Variants in UNC13D observed in about 807,000 individuals in gnomAD.
UNC13D encodes protein unc-13 homolog D.
Under a neutral mutation model 151.7 loss-of-function variants are expected in UNC13D, and 115 were observed. The observed-to-expected ratio is 0.76, with a 90% CI of 0.65 to 0.88. The LOEUF is 0.88. Ranked by LOEUF, UNC13D falls within the 40% of genes least tolerant of loss-of-function variation. The probability of loss-of-function intolerance (pLI) is 0.00; values close to 1 mark genes in which losing one functional copy is unlikely to be tolerated. For missense variants in UNC13D, 1,369 were observed against 1,438.7 expected (o/e 0.95, Z 0.78); for synonymous variants, 588 against 612.2 (o/e 0.96, Z 0.58).
chr17:75,836,935 G>C lies in UNC13D; in HGVS notation c.1056-17C>G. ...AGCCACTGCCTGCAGGGGACAGGAA[G>C]CCCTCAGCTGGACAGGGAGGAGGAA... On this transcript the variant is annotated splice_polypyrimidine_tract_variant and intron_variant, in intron 12 of 31. Coordinates refer to ENST00000207549, the MANE Select transcript of UNC13D (RefSeq NM_199242.3). 6.2e-7 allele frequency: 1 copy of C among 1,610,994 alleles called. No homozygotes were observed. Among genetic ancestry groups the C allele is most frequent in the Non-Finnish European group, 8.5e-7 (1 of 1,179,660 alleles).
chr17:75,841,744 C>A (rs1011985496), intron 6 of UNC13D, among the ~76,000 whole-genome samples: 5 of 148,896 alleles, frequency 3.4e-5, no homozygotes, highest in African/African-American at 1.2e-4. Context: ...CGCCTGGCCC[C>A]CACTAATTTT....
At position 75,833,976 on chromosome 17, in the gene UNC13D, T is replaced by C; in HGVS notation, c.2367+99A>G. 6.8e-7 allele frequency: 1 copy of C among 1,474,110 alleles called. No homozygotes were observed. The highest frequency in any genetic ancestry group is 9.4e-7 in the Non-Finnish European group (1 of 1,059,262). The allele number at this position is 1,474,110 out of a possible 1,614,324, so 91.3% of individuals were successfully genotyped here. On this transcript the variant is annotated intron_variant, in intron 24 of 31. Transcript: ENST00000207549. This position sits in a 1 kb window ranked among gnomAD's most constrained non-coding sequence, Gnocchi z 4.0. ...GCCCAGGGAGAGAACATGCTTTGCC[T>C]GGTCTGGGGGACTTATCTTTGACAC...
At chr17:75,828,651 G>A in intron 31 of UNC13D, 136 bp downstream of exon 31, 1 of 990,022 alleles carries the variant, frequency 1.0e-6, no homozygotes, top group Non-Finnish European at 1.4e-6. Context: ...TAGACCGAGA[G>A]ATGGGCCGTG....
In UNC13D at chr17:75,840,898, G is replaced by A. The variant is rs559391980; in HGVS notation, c.614+59C>T. On this transcript the variant is annotated intron_variant, in intron 7 of 31. Coordinates refer to ENST00000207549, the MANE Select transcript of UNC13D (RefSeq NM_199242.3). This position sits in a 1 kb window ranked among gnomAD's most constrained non-coding sequence, Gnocchi z 4.6. ...ACGACCTCTTCCAGGAGGAGGTTCC[G>A]CCTCTCTCACCCCAGATCCCTTCCC... 1.4e-5 allele frequency: 23 copies of A among 1,613,716 alleles called. No homozygotes were observed. Among genetic ancestry groups the A allele is most frequent in the Middle Eastern group, 1.6e-4 (1 of 6,062 alleles).
intron 12 of UNC13D, 32 bp from the exon 13 acceptor site, chr17:75,836,950 G>A: frequency 1.2e-6 from 2 of 1,607,072 alleles, no homozygotes; most frequent in East Asian, 4.5e-5. Flanking sequence ...CAGCTGGACA[G>A]GGAGGAGGAA....
intron 3 of UNC13D, 29 bp from the exon 4 acceptor site, chr17:75,843,102 T>C (rs754743846): frequency 3.9e-6 from 3 of 777,804 alleles, no homozygotes; most frequent in Admixed American, 1.9e-5. Context: ...GGTGGGTGGC[T>C]GGGGGCACCA....
chr17:75,836,158 C>A (rs773020512), intron 16 of UNC13D, 42 bp downstream of exon 16: 43 of 1,610,812 alleles, frequency 2.7e-5, no homozygotes, highest in Admixed American at 2.2e-4. Flanking sequence ...GCAGGCACCA[C>A]CCCCCGTGAC....
At chr17:75,842,266 C>A (rs893321135) in intron 6 of UNC13D, among the ~76,000 whole-genome samples, 167 bp downstream of exon 6, 13 of 152,222 alleles carry the variant, frequency 8.5e-5, no homozygotes, top group African/African-American at 1.7e-4. Flanking sequence ...TCCCATCTGA[C>A]CTACTGTCCA....
chr17:75,830,372 CA>C lies in UNC13D; in HGVS notation c.2819del (p.Leu940ArgfsTer13), dbSNP rs2064862256. The C allele has an allele frequency of 6.3e-7, 1 of 1,591,844 alleles. No homozygotes were observed. The highest frequency in any genetic ancestry group is 1.1e-5 in the South Asian group (1 of 87,632). Reference protein sequence around the residue: ...ELLSASSLLPLDSNGSSDPFV... With the variant: ...ELLSASSLLPXDSNGSSDPFV... Reference sequence around the variant, plus strand: ...GCAGCCTCCACTCACCATTGGAGTCCAGGGGCAGCAGGCTGGAGGCGCTGAG... The same window carrying C: ...GCAGCCTCCACTCACCATTGGAGTCCGGGGCAGCAGGCTGGAGGCGCTGAG... On this transcript the variant is annotated frameshift_variant, in exon 29 of 32. Transcript: ENST00000207549. LOFTEE classifies it high-confidence loss of function.
In UNC13D at chr17:75,836,861, G is replaced by A. The variant is rs1477733658; in HGVS notation, c.1113C>T (p.Leu371=). ...YQSLEFPSSC[L]LHPITSIEYQ... is the part of the protein sequence containing the mutation. ...ACTCGATGCTGGTGATGGGGTGCAG[G>A]AGGCAGCTGCTGGGGAACTCCAGGC... Residue 371 remains leucine, a synonymous_variant, in exon 13 of 32, where the codon CTC becomes CTT. Coordinates refer to ENST00000207549, the MANE Select transcript of UNC13D (RefSeq NM_199242.3). 1 of 1,613,966 alleles carries A rather than the reference G, an allele frequency of 6.2e-7. No homozygotes were observed. The highest frequency in any genetic ancestry group is 1.7e-5 in the Admixed American group (1 of 60,024).
intron 16 of UNC13D, 45 bp downstream of exon 16, chr17:75,836,155 C>A (rs769641321): frequency 6.2e-7 from 1 of 1,611,928 alleles, no homozygotes; most frequent in Non-Finnish European, 8.5e-7. Context: ...GAGGCAGGCA[C>A]CACCCCCCGT....
rs1196137938 is a variant in UNC13D at position 75,833,148 on chromosome 17, C to G, written c.2368-103G>C. The G allele has an allele frequency of 2.5e-6, 3 of 1,182,712 alleles. No individual in the cohort carries two copies. The Admixed American group carries it at 6.1e-5, about 24-fold the overall frequency. The allele number at this position is 1,182,712 out of a possible 1,614,324, so 73.3% of individuals were successfully genotyped here. On this transcript the variant is annotated intron_variant, in intron 24 of 31. Transcript: ENST00000207549. This position sits in a 1 kb window ranked among gnomAD's most constrained non-coding sequence, Gnocchi z 4.0. ...GGAGGAAACAGGGCTGGGAACCGTT[C>G]TGTGAGAGCAGTTTGTAGTGTCTGT...
intron 27 of UNC13D, 149 bp downstream of exon 27, chr17:75,830,949 C>A: frequency 9.2e-7 from 1 of 1,087,556 alleles, no homozygotes; most frequent in South Asian, 1.5e-5. Flanking sequence ...CGTCACCGTT[C>A]TAAAATTTGT....
rs1041108878 is a variant in UNC13D at position 75,833,363 on chromosome 17, G to A, written c.2368-318C>T. On this transcript the variant is annotated intron_variant, in intron 24 of 31. Coordinates refer to ENST00000207549, the MANE Select transcript of UNC13D (RefSeq NM_199242.3). The surrounding 1 kb of genome is among the most constrained non-coding windows in gnomAD (Gnocchi z 4.0). ...CTCATGCCTCCTCCCCTTGCTTCCCGTAGGTCTTCGCTCAGTTGTCACGGC... is the reference window on the plus strand; with the variant it reads ...CTCATGCCTCCTCCCCTTGCTTCCCATAGGTCTTCGCTCAGTTGTCACGGC... 10 of 265,852 alleles carry A rather than the reference G, an allele frequency of 3.8e-5. No homozygotes were observed. In the Admixed American group the frequency reaches 4.2e-4, roughly 11 times the overall value. The allele number at this position is 265,852 out of a possible 1,614,324, so 16.5% of individuals were successfully genotyped here.
At chr17:75,830,302 G>C (rs1016012320) in intron 29 of UNC13D, 60 bp downstream of exon 29, 1 of 1,576,674 alleles carries the variant, frequency 6.3e-7, no homozygotes, top group Middle Eastern at 2.3e-4. Context: ...CCCCAGGGTC[G>C]CTGAGACAGG....
rs1135688 is a variant in UNC13D, at chr17:75,831,124, T to C, written c.2599A>G (p.Lys867Glu). ...FHAEGCGLPP[K>E]ALHTATFQAL... The stretch of plus-strand genomic sequence containing the variant: ...TGGAAGGTGGCAGTGTGCAGGGCCT[T>C]GGGTGGCAGGCCACAGCCCTCAGCG... Residue 867 changes from lysine to glutamate, a missense_variant, in exon 27 of 32, where the codon AAG becomes GAG. Transcript: ENST00000207549. 0.34 allele frequency: 555,348 copies of C among 1,613,702 alleles called. 107,159 individuals are homozygous for C. Among genetic ancestry groups the C allele is most frequent in the African/African-American group, 0.83 (62,627 of 75,022 alleles).
rs370006482 is a variant in UNC13D at position 75,839,892 on chromosome 17, G to A, written c.1002C>T (p.Val334=). ...DGSLSPQAAT[V]LFLHATQKDL... is the part of the protein sequence containing the mutation. ...CCTTCTGTGTGGCGTGCAGAAAGAG[G>A]ACGGTGGCAGCCTGGGGACTCAGCG... The change falls in exon 12 of 32, where the codon GTC becomes GTT. Residue 334 remains valine, a synonymous_variant. Coordinates refer to ENST00000207549, the MANE Select transcript of UNC13D (RefSeq NM_199242.3). 2.5e-6 allele frequency: 4 copies of A among 1,613,822 alleles called. No individual in the cohort carries two copies. The African/African-American group carries it at 4.0e-5, about 16-fold the overall frequency.
chr17:75,839,995 G>A (rs751146500), intron 11 of UNC13D, 23 bp downstream of exon 11: 15 of 1,613,372 alleles, frequency 9.3e-6, no homozygotes, highest in Non-Finnish European at 1.3e-5. Flanking sequence ...CCCCGGCTGC[G>A]CCCAGCCCCA....
At chr17:75,839,976 G>A (rs2064935886) in intron 11 of UNC13D, 34 bp from the exon 12 acceptor site, 2 of 1,613,556 alleles carry the variant, frequency 1.2e-6, no homozygotes, top group African/African-American at 1.3e-5. Flanking sequence ...GTCAGGACCT[G>A]AAGGGCAGCC....
Sources: allele counts gnomAD v4.1 joint callset (sites outside exome capture counted in the v4.1 genomes callset), GRCh38; gene constraint gnomAD v4.1.1; non-coding constraint Gnocchi (gnomAD v3.1); transcripts MANE v1.5; gene names NCBI Gene and HGNC (gene_info 2026-07-23, HGNC 2026-07-21).